The following CLASP1 variants were observed in gnomAD, a reference collection of about 807,000 sequenced individuals.
The protein encoded by CLASP1 is cytoplasmic linker associated protein 1, also known as CLIP-associating protein 1.
A neutral mutation model predicts 192.3 loss-of-function variants in CLASP1; 38 were observed. The observed-to-expected ratio is 0.20, with a 90% CI of 0.15 to 0.26. The LOEUF is 0.26. Ranked by LOEUF, CLASP1 falls within the 10% of genes least tolerant of loss-of-function variation. CLASP1 has a pLI of 1.00. For missense variants in CLASP1, 1,433 were observed against 1,932.5 expected (o/e 0.74, Z 4.85); for synonymous variants, 691 against 712.8 (o/e 0.97, Z 0.49).
intron 34 of CLASP1, among the ~76,000 whole-genome samples, chr2:121,369,054 A>G (rs573931524): frequency 1.3e-5 from 2 of 152,342 alleles, no homozygotes; most frequent in South Asian, 4.1e-4. Context: ...TACCTCAGAT[A>G]AGTGGAACTG....
At chr2:121,536,187 C>G (rs1356866286) in intron 2 of CLASP1, among the ~76,000 whole-genome samples, 1 of 150,794 alleles carries the variant, frequency 6.6e-6, no homozygotes. Flanking sequence ...CGAGACCATC[C>G]TGGCTAACAC....
chr2:121,561,674 T>C (rs1446425733), intron 2 of CLASP1, among the ~76,000 whole-genome samples: 1 of 152,248 alleles, frequency 6.6e-6, no homozygotes, highest in East Asian at 1.9e-4. Context: ...TTCAAAACTG[T>C]CCTGGGCTTC....
exon 2 of CLASP1, chr2:121,605,807 T>C (rs189760808): frequency 5.6e-6 from 9 of 1,614,006 alleles, no homozygotes; most frequent in South Asian, 2.2e-5. Flanking sequence ...GTCTGAGAAA[T>C]AGTCTATCAG....
chr2:121,568,570 G>A (rs971208610), intron 2 of CLASP1, among the ~76,000 whole-genome samples: 9 of 151,142 alleles, frequency 6.0e-5, no homozygotes, highest in Non-Finnish European at 1.0e-4. Context: ...GAGTCTATCC[G>A]GAGAAAGGAT....
intron 37 of CLASP1, among the ~76,000 whole-genome samples, chr2:121,352,257 C>T (rs1030487412): frequency 6.6e-6 from 1 of 152,260 alleles, no homozygotes; most frequent in African/African-American, 2.4e-5. Context: ...CCTGCCCTGC[C>T]TCTGCCTCGT....
rs545862606 is a variant in CLASP1 at position 121,506,967 on chromosome 2, G to C, written c.645-3733C>G. Among the ~76,000 whole-genome samples the C allele has an allele frequency of 3.9e-5, 6 of 152,182 alleles. No homozygotes were observed. In the South Asian group the frequency reaches 1.2e-3, roughly 32 times the overall value. On this transcript the variant is annotated intron_variant, in intron 7 of 39. Coordinates refer to ENST00000263710, the Ensembl canonical transcript of CLASP1. Reference sequence around the variant, plus strand: ...CAACAAAAAATCTGGGGAGGGGAAAGAATATGATTTCCTGAGTTGCCACAA... The same window carrying C: ...CAACAAAAAATCTGGGGAGGGGAAACAATATGATTTCCTGAGTTGCCACAA...
intron 34 of CLASP1, among the ~76,000 whole-genome samples, chr2:121,369,003 C>T (rs576264345): frequency 2.0e-5 from 3 of 152,308 alleles, no homozygotes; most frequent in South Asian, 4.1e-4. Flanking sequence ...CCCCTGGTAA[C>T]CTTTATCTTA....
chr2:121,391,258 A>G (rs1175110784), intron 30 of CLASP1, among the ~76,000 whole-genome samples: 2 of 152,218 alleles, frequency 1.3e-5, no homozygotes, highest in Non-Finnish European at 2.9e-5. Flanking sequence ...CCTGTTTACA[A>G]CTTTCTTCCA....
At chr2:121,544,246 T>C (rs1399695261) in intron 2 of CLASP1, among the ~76,000 whole-genome samples, 1 of 152,160 alleles carries the variant, frequency 6.6e-6, no homozygotes. Context: ...CCAAAATATC[T>C]GTGAATTGGC....
intron 8 of CLASP1, among the ~76,000 whole-genome samples, chr2:121,472,942 C>T (rs192805892): frequency 4.6e-5 from 7 of 152,212 alleles, no homozygotes; most frequent in Admixed American, 1.3e-4. Context: ...TTAGGCAGAC[C>T]GCAAGTAACT....
At chr2:121,423,116 T>C (rs2079793741) in intron 22 of CLASP1, among the ~76,000 whole-genome samples, 1 of 152,122 alleles carries the variant, frequency 6.6e-6, no homozygotes, top group Admixed American at 6.5e-5. Flanking sequence ...TGAAAATACA[T>C]TTTATTCATA....
In CLASP1 at chr2:121,367,836, A is replaced by T. The variant is rs763058711; in HGVS notation, c.3643-5T>A. 139 of 1,612,348 alleles carry T rather than the reference A, an allele frequency of 8.6e-5. No homozygotes were observed. Among genetic ancestry groups the T allele is most frequent in the Middle Eastern group, 1.6e-4 (1 of 6,080 alleles). ...AGCGCCCCCATCGCGGGACACCTGC[A>T]GCACAGCACACTGTCAGTTCCCTTC... On this transcript the variant is annotated splice_region_variant and splice_polypyrimidine_tract_variant and intron_variant, in intron 34 of 39. Transcript: ENST00000263710.
intron 8 of CLASP1, chr2:121,470,625 C>A: frequency 2.2e-6 from 1 of 448,302 alleles, no homozygotes; most frequent in Non-Finnish European, 4.4e-6. Context: ...ATTAGAAATG[C>A]AATATTGCCA....
At chr2:121,537,775 G>A (rs976883089) in intron 2 of CLASP1, among the ~76,000 whole-genome samples, 3 of 152,190 alleles carry the variant, frequency 2.0e-5, no homozygotes, top group Non-Finnish European at 4.4e-5. Flanking sequence ...TTTAGTGACT[G>A]TCCTGGTGCT....
exon 36 of CLASP1, chr2:121,365,147 C>T (rs1442514546): frequency 6.2e-7 from 1 of 1,613,824 alleles, no homozygotes; most frequent in Non-Finnish European, 8.5e-7. Flanking sequence ...TTGAAGTGCT[C>T]CTCCCAGACA....
chr2:121,496,927 A>G (rs1456857943), intron 8 of CLASP1, among the ~76,000 whole-genome samples: 5 of 152,236 alleles, frequency 3.3e-5, no homozygotes, highest in Non-Finnish European at 5.9e-5. Context: ...TTGTAGCAAC[A>G]TGGATGGAAC....
At chr2:121,549,874 C>T (rs1229327858) in intron 2 of CLASP1, among the ~76,000 whole-genome samples, 1 of 151,690 alleles carries the variant, frequency 6.6e-6, no homozygotes, top group East Asian at 1.9e-4. Flanking sequence ...GGCGTGGTGG[C>T]GGGTGCCTGT....
At chr2:121,530,202 G>C (rs2094730617) in intron 3 of CLASP1, 45 bp downstream of exon 3, 1 of 1,504,658 alleles carries the variant, frequency 6.6e-7, no homozygotes, top group South Asian at 1.2e-5. Flanking sequence ...GGGAAGGCTG[G>C]GGGTCTGAAG....
rs1032515024 is a variant in CLASP1, at chr2:121,462,522, C to G, written c.939+10G>C. 3.4e-6 allele frequency: 5 copies of G among 1,471,568 alleles called. No individual in the cohort carries two copies. In the African/African-American group the frequency reaches 4.2e-5, roughly 12 times the overall value. 91.2% of individuals were successfully genotyped at this position (1,471,568 alleles called of 1,614,324 possible). A position where few individuals can be genotyped will look rare whatever the true frequency, so the allele number is the denominator to read the frequency against. On this transcript the variant is annotated intron_variant, in intron 10 of 39. Transcript: ENST00000263710. ...CTTGTTTGTAATCATACTCAAATAT[C>G]CTCACTGACCTGTACTACAGGTACA...
Sources: gnomAD v4.1 joint callset for allele counts (sites outside exome capture counted in the v4.1 genomes callset) on GRCh38, gnomAD v4.1.1 for gene constraint, MANE v1.5 for transcripts, NCBI Gene and HGNC (gene_info 2026-07-23, HGNC 2026-07-21) for gene names.